Variants in MAMDC2 observed in about 807,000 individuals in gnomAD.
MAMDC2 encodes MAM domain-containing protein 2.
Under a neutral mutation model 89.8 loss-of-function variants are expected in MAMDC2, and 57 were observed. The observed-to-expected ratio is 0.63, with a 90% CI of 0.51 to 0.79. The LOEUF (loss-of-function observed/expected upper bound fraction) is 0.79. Among genes scored for constraint, MAMDC2 ranks in the 30% least tolerant of loss-of-function variants. The pLI, the probability that MAMDC2 is intolerant of heterozygous loss-of-function variation, is 0.00. For synonymous variants in MAMDC2, 313 were observed against 293.4 expected, an observed-to-expected ratio of 1.07 and a Z score of -0.68; for missense variants, 800 against 820.6, an observed-to-expected ratio of 0.97 and a Z score of 0.31.
intron 11 of MAMDC2, among the ~76,000 whole-genome samples, chr9:70,174,594 T>A (rs2032441305): frequency 6.6e-6 from 1 of 152,058 alleles, no homozygotes; most frequent in Admixed American, 6.6e-5. Context: ...GCTCAGTGTG[T>A]CCTAGGAACA....
intron 11 of MAMDC2, among the ~76,000 whole-genome samples, chr9:70,176,126 C>A (rs1324152345): frequency 6.6e-6 from 1 of 152,136 alleles, no homozygotes; most frequent in Non-Finnish European, 1.5e-5. Context: ...GGCTGACAAC[C>A]AAGCCCTGTC....
chr9:70,078,764 T>G (rs1037474124), intron 2 of MAMDC2, among the ~76,000 whole-genome samples: 1 of 152,170 alleles, frequency 6.6e-6, no homozygotes, highest in Non-Finnish European at 1.5e-5. Flanking sequence ...TTAAAGGATT[T>G]GCGTTCCTCC....
At chr9:70,121,717 GAAA>G (rs11342785) in intron 5 of MAMDC2, among the ~76,000 whole-genome samples, 2 of 143,496 alleles carry the variant, frequency 1.4e-5, no homozygotes, top group Non-Finnish European at 3.1e-5. Context: ...TCTGACAAAG[GAAA>G]AAAAAAAAAA....
chr9:70,044,050 A>G lies in MAMDC2; in HGVS notation c.-148A>G. On this transcript the variant is annotated 5_prime_UTR_variant, in exon 1 of 14. Transcript: ENST00000377182. ...CGGGAGCCGCTCTGCAAAGTTGGGC[A>G]GCTCAGAGCGCAAGCTTTGCCTCTC... is the stretch of plus-strand genomic sequence containing the variant. The G allele has an allele frequency of 2.3e-6, 2 of 887,690 alleles. No homozygotes were observed. Among genetic ancestry groups the G allele is most frequent in the Non-Finnish European group, 3.5e-6 (2 of 570,158 alleles). The allele number at this position is 887,690 out of a possible 1,614,324, so 55.0% of individuals were successfully genotyped here.
chr9:70,215,357 T>A (rs920480664), intron 11 of MAMDC2, among the ~76,000 whole-genome samples: 3 of 152,230 alleles, frequency 2.0e-5, no homozygotes, highest in African/African-American at 7.2e-5. Flanking sequence ...GTTTTTTTGC[T>A]ATTATTTTTG....
chr9:70,186,708 T>C (rs1397790698), intron 11 of MAMDC2, among the ~76,000 whole-genome samples: 1 of 152,252 alleles, frequency 6.6e-6, no homozygotes, highest in Non-Finnish European at 1.5e-5. Context: ...ATTTGGCTCA[T>C]GGTTCTGCAG....
chr9:70,078,809 A>G (rs1002124106), intron 2 of MAMDC2, among the ~76,000 whole-genome samples: 1 of 152,154 alleles, frequency 6.6e-6, no homozygotes, highest in Non-Finnish European at 1.5e-5. Context: ...GCTGTTAATT[A>G]AGAAACAATG....
At chr9:70,182,495 T>G (rs1461311071) in intron 11 of MAMDC2, among the ~76,000 whole-genome samples, 1 of 152,174 alleles carries the variant, frequency 6.6e-6, no homozygotes, top group Non-Finnish European at 1.5e-5. Context: ...TGGGCTTTTT[T>G]TGGTTGGTAG....
At chr9:70,225,598 C>T in intron 12 of MAMDC2, 152 bp from the exon 13 acceptor site, 2 of 510,182 alleles carry the variant, frequency 3.9e-6, no homozygotes, top group Non-Finnish European at 7.1e-6. Flanking sequence ...CTCTTTAATA[C>T]CTAGATTTCA....
chr9:70,129,772 T>C (rs1404291764), intron 6 of MAMDC2, among the ~76,000 whole-genome samples: 1 of 152,236 alleles, frequency 6.6e-6, no homozygotes, highest in Non-Finnish European at 1.5e-5. Context: ...TCGTATTTGT[T>C]TGCTAGGACT....
At chr9:70,116,801 G>T (rs1357114211) in intron 5 of MAMDC2, among the ~76,000 whole-genome samples, 1 of 152,102 alleles carries the variant, frequency 6.6e-6, no homozygotes, top group Non-Finnish European at 1.5e-5. Flanking sequence ...AAGCATAGTG[G>T]TGTGGTCATC....
chr9:70,096,022 GT>G (rs961623833), intron 2 of MAMDC2, among the ~76,000 whole-genome samples: 86 of 149,852 alleles, frequency 5.7e-4, no homozygotes, highest in Admixed American at 1.6e-3. Flanking sequence ...TTTAATTTAA[GT>G]TTTTTTTTTC....
chr9:70,148,812 G>T (rs1316709199), intron 9 of MAMDC2, among the ~76,000 whole-genome samples: 2 of 149,824 alleles, frequency 1.3e-5, no homozygotes, highest in Non-Finnish European at 3.0e-5. Flanking sequence ...GGCGGATCAT[G>T]AGGTCAGGAG....
At chr9:70,222,219 G>T (rs2118699463) in intron 12 of MAMDC2, among the ~76,000 whole-genome samples, 1 of 152,336 alleles carries the variant, frequency 6.6e-6, no homozygotes, top group Admixed American at 6.5e-5. Flanking sequence ...ATCATTTATT[G>T]AGATGAGGAA....
chr9:70,187,502 T>C (rs896944952), intron 11 of MAMDC2, among the ~76,000 whole-genome samples: 5 of 152,152 alleles, frequency 3.3e-5, no homozygotes, highest in African/African-American at 1.2e-4. Flanking sequence ...ATATAATTCA[T>C]TGGTTTTAAA....
intron 6 of MAMDC2, 75 bp from the exon 7 acceptor site, chr9:70,131,443 AT>A: frequency 1.0e-6 from 1 of 976,152 alleles, no homozygotes; most frequent in Non-Finnish European, 1.5e-6. Flanking sequence ...TTGACATGTC[AT>A]TTTAAATCAT....
chr9:70,203,305 T>C (rs1443892109), intron 11 of MAMDC2, among the ~76,000 whole-genome samples: 1 of 150,974 alleles, frequency 6.6e-6, no homozygotes, highest in Non-Finnish European at 1.5e-5. Flanking sequence ...TATTTCTCCT[T>C]CACTTATGAA....
chr9:70,044,652 T>C lies in MAMDC2; in HGVS notation c.103T>C (p.Phe35Leu). Residue 35 changes from phenylalanine to leucine, a missense_variant, in exon 2 of 14, where the codon TTT (phenylalanine) becomes CTT (leucine). By Grantham distance (22) the Phe-to-Leu change is conservative. Transcript: ENST00000377182. ...SCAFEESTCG[F>L]DSVLASLPWI... ...TGCCTTTGAAGAGAGCACTTGCGGC[T>C]TTGACTCCGTGTTGGCCTCTCTGCC... is the stretch of plus-strand genomic sequence containing the variant. 1 of 1,551,642 alleles carries C rather than the reference T, an allele frequency of 6.4e-7. No homozygotes were observed. The highest frequency in any genetic ancestry group is 8.7e-7 in the Non-Finnish European group (1 of 1,147,000).
intron 2 of MAMDC2, among the ~76,000 whole-genome samples, chr9:70,087,944 T>C (rs1012465181): frequency 6.6e-6 from 1 of 152,136 alleles, no homozygotes; most frequent in Non-Finnish European, 1.5e-5. Flanking sequence ...TTAGGGAGTA[T>C]TTAGGAATTT....
Sources: allele counts gnomAD v4.1 joint callset (sites outside exome capture counted in the v4.1 genomes callset), GRCh38; gene constraint gnomAD v4.1.1; transcripts MANE v1.5; gene names NCBI Gene and HGNC (gene_info 2026-07-23, HGNC 2026-07-21).